FRMD3: variants seen among roughly 807,000 people sequenced by gnomAD.
The protein encoded by FRMD3 is FERM domain containing 3.
In FRMD3, 33 loss-of-function variants were observed where a neutral mutation model predicts 70.2. The observed-to-expected ratio is 0.47, with a 90% CI of 0.36 to 0.63. The LOEUF is 0.63. FRMD3 is among the 20% of genes least tolerant of loss of function. The pLI is 0.00. For missense variants in FRMD3, 632 were observed against 711.4 expected, an observed-to-expected ratio of 0.89 and a Z score of 1.27; for synonymous variants, 279 against 255.9, an observed-to-expected ratio of 1.09 and a Z score of -0.86.
intron 12 of FRMD3, among the ~76,000 whole-genome samples, chr9:83,296,846 T>A (rs1258444630): frequency 2.0e-5 from 3 of 152,142 alleles, no homozygotes; most frequent in Non-Finnish European, 4.4e-5. Context: ...CACCACCTGT[T>A]ACCAAGAGCC....
chr9:83,495,355 G>A (rs1016935843), intron 1 of FRMD3, among the ~76,000 whole-genome samples: 4 of 152,206 alleles, frequency 2.6e-5, no homozygotes, highest in African/African-American at 9.6e-5. Flanking sequence ...GAAGAAAGTG[G>A]AAGTCGCTGG....
rs113135577 is a variant in FRMD3, at chr9:83,475,986, T to C, written c.147+62099A>G. Among the ~76,000 whole-genome samples, 348 of 152,344 alleles carry C rather than the reference T, an allele frequency of 2.3e-3. 3 individuals carry two copies. Among genetic ancestry groups the C allele is most frequent in the African/African-American group, 8.2e-3 (342 of 41,570 alleles). On this transcript the variant is annotated intron_variant, in intron 1 of 13. Transcript: ENST00000304195. ...GTCTACAGTGGGCTATTTATTCAAC[T>C]TAGTCACCTATGAATCAAGCAAATG...
intron 6 of FRMD3, among the ~76,000 whole-genome samples, chr9:83,316,100 G>A (rs1309441919): frequency 1.3e-5 from 2 of 151,116 alleles, no homozygotes; most frequent in African/African-American, 4.9e-5. Context: ...ATAAGGACTC[G>A]GTGAAGGAAA....
chr9:83,248,095 C>A lies in FRMD3; in HGVS notation c.1617G>T (p.Leu539=). 2 of 1,614,130 alleles carry A rather than the reference C, an allele frequency of 1.2e-6. No homozygotes were observed. Among genetic ancestry groups the A allele is most frequent in the South Asian group, 2.2e-5 (2 of 91,088 alleles). Residue 539 remains leucine, a synonymous_variant, in exon 14 of 14, where the codon CTG becomes CTT. Transcript: ENST00000304195. ...SRLLVVGLGL[L]LFVFPLLLLL... The stretch of plus-strand genomic sequence containing the variant: ...GGAGGAGCAGGGGAAATACAAAGAG[C>A]AGCAGTCCCAGGCCCACCACAAGGA...
At chr9:83,546,878 G>A in the FRMD3 span, among the ~76,000 whole-genome samples, 571 of 50,826 alleles carry the variant, frequency 0.011, 3 homozygotes, top group African/African-American at 0.036. Context: ...GCGACAGAGT[G>A]AGACTCTGTC....
chr9:83,298,719 C>T (rs776168785), intron 12 of FRMD3, 29 bp downstream of exon 12: 1 of 1,601,878 alleles, frequency 6.2e-7, no homozygotes, highest in South Asian at 1.1e-5. Flanking sequence ...TTTAAAGCCA[C>T]CTGGAACCCA....
intron 1 of FRMD3, among the ~76,000 whole-genome samples, chr9:83,504,073 G>A (rs1829130746): frequency 6.6e-6 from 1 of 152,158 alleles, no homozygotes; most frequent in African/African-American, 2.4e-5. Context: ...GAAGCCAGAT[G>A]CTACATGGCC....
At chr9:83,584,849 G>A in the FRMD3 span, among the ~76,000 whole-genome samples, 1 of 152,104 alleles carries the variant, frequency 6.6e-6, no homozygotes, top group Non-Finnish European at 1.5e-5. Context: ...TCGATAATAG[G>A]ACAAATGAGG....
chr9:83,517,344 C>T (rs1449076146), intron 1 of FRMD3, among the ~76,000 whole-genome samples: 3 of 151,890 alleles, frequency 2.0e-5, no homozygotes, highest in Admixed American at 6.6e-5. Flanking sequence ...CTATAAACAC[C>T]TCTATGCAAA....
At chr9:83,418,863 C>A (rs1162469459) in intron 1 of FRMD3, among the ~76,000 whole-genome samples, 1 of 152,168 alleles carries the variant, frequency 6.6e-6, no homozygotes, top group Non-Finnish European at 1.5e-5. Flanking sequence ...AATTGCGAAG[C>A]CTTTGTGAAC....
At chr9:83,319,871 C>A (rs1186095103) in intron 6 of FRMD3, among the ~76,000 whole-genome samples, 1 of 152,192 alleles carries the variant, frequency 6.6e-6, no homozygotes, top group Non-Finnish European at 1.5e-5. Context: ...TGAGGCCTCC[C>A]AAGCCATGTA....
At chr9:83,525,996 T>G (rs1468661627) in intron 1 of FRMD3, among the ~76,000 whole-genome samples, 1 of 152,218 alleles carries the variant, frequency 6.6e-6, no homozygotes, top group East Asian at 1.9e-4. Flanking sequence ...CTTCTGTCTC[T>G]ATGTCAGACC....
At chr9:83,243,139 G>A, downstream of FRMD3, 2 of 1,524,066 alleles carry the variant, frequency 1.3e-6, no homozygotes. Context: ...CACAGACGGA[G>A]GCTGGAACAT....
intron 6 of FRMD3, among the ~76,000 whole-genome samples, chr9:83,319,098 C>T (rs1835698939): frequency 6.6e-6 from 1 of 151,994 alleles, no homozygotes; most frequent in African/African-American, 2.4e-5. Flanking sequence ...TGTAGGTTGT[C>T]TGTTTACTCT....
the FRMD3 span, among the ~76,000 whole-genome samples, chr9:83,559,974 A>G: frequency 9.9e-5 from 15 of 152,268 alleles, no homozygotes; most frequent in African/African-American, 3.4e-4. Context: ...TCCCATGCTG[A>G]TGGCCACAAA....
rs368044840 is a variant in FRMD3 at position 83,314,839 on chromosome 9, A to ACT, written c.597-1094_597-1093dup. Among the ~76,000 whole-genome samples the ACT allele has an allele frequency of 5.5e-3, 798 of 146,056 alleles. 6 individuals are homozygous for ACT. Among genetic ancestry groups the ACT allele is most frequent in the African/African-American group, 0.019 (730 of 39,454 alleles). ...TCTTCCCTTCCCCACTTCCTCCACC[A>ACT]CTCTCTCTCTCTCCCACTCTCTCTC... is the stretch of plus-strand genomic sequence containing the variant. On this transcript the variant is annotated intron_variant, in intron 6 of 13. Transcript: ENST00000304195.
At chr9:83,568,747 C>A in the FRMD3 span, among the ~76,000 whole-genome samples, 1 of 151,862 alleles carries the variant, frequency 6.6e-6, no homozygotes, top group Non-Finnish European at 1.5e-5. Flanking sequence ...AAATAATGTA[C>A]TATATATTTA....
chr9:83,557,970 A>C, the FRMD3 span, among the ~76,000 whole-genome samples: 2 of 152,230 alleles, frequency 1.3e-5, no homozygotes, highest in Non-Finnish European at 2.9e-5. Flanking sequence ...AAAATGGTGA[A>C]TCTAACAAAA....
intron 1 of FRMD3, among the ~76,000 whole-genome samples, chr9:83,425,928 A>AC (rs1491311527): frequency 6.9e-6 from 1 of 145,682 alleles, no homozygotes; most frequent in Non-Finnish European, 1.5e-5. Context: ...AAAAAAAAAA[A>AC]CAACCTTCCT....
Sources: gnomAD v4.1 joint callset for allele counts (sites outside exome capture counted in the v4.1 genomes callset) on GRCh38, gnomAD v4.1.1 for gene constraint, MANE v1.5 for transcripts, NCBI Gene and HGNC (gene_info 2026-07-23, HGNC 2026-07-21) for gene names.